REDIC1: variants seen among roughly 807,000 people sequenced by gnomAD.
REDIC1 encodes HEI10 Interacting Protein 1.
the REDIC1 span, among the ~76,000 whole-genome samples, chr12:39,640,058 G>GTTT: frequency 7.2e-6 from 1 of 138,510 alleles, no homozygotes. Flanking sequence ...GAACTACTAG[G>GTTT]TTTTTTTTTT....
At chr12:39,669,658 C>T in the REDIC1 span, among the ~76,000 whole-genome samples, 1 of 152,240 alleles carries the variant, frequency 6.6e-6, no homozygotes, top group Non-Finnish European at 1.5e-5. Flanking sequence ...GAGGTGGAGT[C>T]TACAGAGGCA....
the REDIC1 span, among the ~76,000 whole-genome samples, chr12:39,896,255 T>TATAC: frequency 1.0e-5 from 1 of 99,052 alleles, no homozygotes; most frequent in Non-Finnish European, 2.3e-5. Flanking sequence ...TATACATGTA[T>TATAC]GTATATGTGT....
the REDIC1 span, among the ~76,000 whole-genome samples, chr12:39,818,738 T>C: frequency 2.0e-5 from 3 of 152,180 alleles, no homozygotes; most frequent in African/African-American, 7.2e-5. Flanking sequence ...AACAATTAAG[T>C]AGGCAGAATA....
chr12:39,899,502 T>C, the REDIC1 span, among the ~76,000 whole-genome samples: 1 of 151,432 alleles, frequency 6.6e-6, no homozygotes, highest in Non-Finnish European at 1.5e-5. Context: ...CTGATTTTAG[T>C]TATTTCTTGC....
At chr12:39,885,009 G>C in the REDIC1 span, among the ~76,000 whole-genome samples, 2 of 152,214 alleles carry the variant, frequency 1.3e-5, no homozygotes, top group Non-Finnish European at 2.9e-5. Flanking sequence ...GGCAGAGACA[G>C]GTATTATAGC....
At chr12:39,667,768 T>C in the REDIC1 span, among the ~76,000 whole-genome samples, 1 of 152,238 alleles carries the variant, frequency 6.6e-6, no homozygotes, top group African/African-American at 2.4e-5. Flanking sequence ...GGTGCATATA[T>C]ATTTAGGATA....
chr12:39,631,940 T>C, the REDIC1 span, among the ~76,000 whole-genome samples: 1 of 152,082 alleles, frequency 6.6e-6, no homozygotes, highest in East Asian at 1.9e-4. Context: ...TGATAGCACA[T>C]GTATACAATA....
At chr12:39,727,452 A>G in the REDIC1 span, among the ~76,000 whole-genome samples, 19 of 152,004 alleles carry the variant, frequency 1.2e-4, no homozygotes, top group African/African-American at 4.3e-4. Flanking sequence ...TCAAAGATCA[A>G]ATGGTTGTAG....
chr12:39,713,838 C>G, the REDIC1 span, among the ~76,000 whole-genome samples: 2 of 147,368 alleles, frequency 1.4e-5, no homozygotes, highest in Non-Finnish European at 3.0e-5. Flanking sequence ...TGTATATACA[C>G]GTATATATAT....
chr12:39,644,454 AGAGTAT>A, the REDIC1 span, among the ~76,000 whole-genome samples: 13 of 151,860 alleles, frequency 8.6e-5, no homozygotes, highest in Non-Finnish European at 1.3e-4. Flanking sequence ...AAGCTTAATT[AGAGTAT>A]ATTTTTCCTC....
the REDIC1 span, among the ~76,000 whole-genome samples, chr12:39,668,467 T>G: frequency 1.3e-5 from 2 of 152,240 alleles, no homozygotes; most frequent in African/African-American, 4.8e-5. Context: ...CCGTTGTGGG[T>G]AACCCAACCT....
chr12:39,690,138 G>A, the REDIC1 span, among the ~76,000 whole-genome samples: 11 of 152,260 alleles, frequency 7.2e-5, no homozygotes, highest in African/African-American at 2.4e-4. Context: ...AAGAGGGCTG[G>A]GTTGCACCTG....
the REDIC1 span, among the ~76,000 whole-genome samples, chr12:39,714,263 A>ATACATGTT: frequency 9.0e-6 from 1 of 111,224 alleles, no homozygotes. Flanking sequence ...ATATGCATGC[A>ATACATGTT]TATATGTATA....
At chr12:39,681,258 G>A in the REDIC1 span, among the ~76,000 whole-genome samples, 2 of 152,070 alleles carry the variant, frequency 1.3e-5, no homozygotes, top group African/African-American at 4.8e-5. Flanking sequence ...AATGAAAAGA[G>A]CAAAACTCCA....
the REDIC1 span, among the ~76,000 whole-genome samples, chr12:39,852,320 C>A: frequency 1.3e-5 from 2 of 152,158 alleles, no homozygotes; most frequent in African/African-American, 4.8e-5. Context: ...CTAAACACTG[C>A]CACACAAATT....
the REDIC1 span, chr12:39,682,829 A>G: frequency 1.9e-4 from 314 of 1,612,122 alleles, no homozygotes; most frequent in Non-Finnish European, 2.7e-4. Flanking sequence ...TTTGTTAGTC[A>G]AAATATGATC....
chr12:39,728,780 C>CTTTTTTTTT, the REDIC1 span, among the ~76,000 whole-genome samples: 1 of 92,186 alleles, frequency 1.1e-5, no homozygotes, highest in Non-Finnish European at 2.0e-5. Context: ...TGGTCCTGGG[C>CTTTTTTTTT]TTTTTTTTTT....
At chr12:39,627,967 G>T in the REDIC1 span, among the ~76,000 whole-genome samples, 11 of 152,196 alleles carry the variant, frequency 7.2e-5, no homozygotes, top group Admixed American at 7.2e-4. Context: ...GTGGGTGATG[G>T]TGGTAGTTAA....
the REDIC1 span, chr12:39,641,097 C>A: frequency 1.1e-6 from 1 of 899,028 alleles, no homozygotes; most frequent in Non-Finnish European, 1.8e-6. Flanking sequence ...TGGAGGCCAT[C>A]TTCCTTTGGT....
Sources: gnomAD v4.1 joint callset for allele counts (sites outside exome capture counted in the v4.1 genomes callset) on GRCh38, gnomAD v4.1.1 for gene constraint, MANE v1.5 for transcripts, NCBI Gene and HGNC (gene_info 2026-07-23, HGNC 2026-07-21) for gene names.